Variants in RORB observed in about 807,000 individuals in gnomAD.
RORB encodes the protein nuclear receptor ROR-beta.
RORB carries 6 observed loss-of-function variants against 59.1 expected under a neutral mutation model. The ratio of observed to expected loss-of-function variants is 0.10; its 90% confidence interval spans 0.06 to 0.20. The LOEUF (loss-of-function observed/expected upper bound fraction) is 0.20, where lower values mean the gene tolerates loss of function less well. Among genes scored for constraint, RORB ranks in the 10% least tolerant of loss-of-function variants. The pLI is 1.00. For missense variants in RORB, 320 were observed against 560.5 expected (o/e 0.57, Z 4.33); for synonymous variants, 215 against 204.5 (o/e 1.05, Z -0.44).
chr9:74,626,991 G>A (rs944455504), intron 1 of RORB, among the ~76,000 whole-genome samples: 11 of 151,908 alleles, frequency 7.2e-5, no homozygotes, highest in Admixed American at 5.9e-4. Context: ...GTGAAACCCC[G>A]TCTCTACTAA....
chr9:74,602,119 T>A (rs1181383943), intron 1 of RORB, among the ~76,000 whole-genome samples: 14 of 152,174 alleles, frequency 9.2e-5, no homozygotes, highest in Admixed American at 9.2e-4. Flanking sequence ...GCCCTCATTG[T>A]GCTTAGAGGA....
chr9:74,524,321 T>G (rs1826125873), intron 1 of RORB, among the ~76,000 whole-genome samples: 1 of 151,804 alleles, frequency 6.6e-6, no homozygotes, highest in Admixed American at 6.6e-5. Context: ...AGTGATTCAT[T>G]TTTTACTAGA....
At chr9:74,677,280 T>C (rs1005091759) in intron 9 of RORB, among the ~76,000 whole-genome samples, 1 of 152,224 alleles carries the variant, frequency 6.6e-6, no homozygotes, top group African/African-American at 2.4e-5. Flanking sequence ...TCCTGACTTC[T>C]GACCTACTAT....
intron 1 of RORB, among the ~76,000 whole-genome samples, chr9:74,519,507 A>G (rs1826053972): frequency 6.6e-6 from 1 of 152,062 alleles, no homozygotes; most frequent in African/African-American, 2.4e-5. Flanking sequence ...ACGGCACAAG[A>G]GCAAGAGAAC....
chr9:74,532,613 T>C (rs922304276), intron 1 of RORB, among the ~76,000 whole-genome samples: 1 of 151,614 alleles, frequency 6.6e-6, no homozygotes, highest in Admixed American at 6.6e-5. Context: ...GCATATTCCA[T>C]GAGCTAAAAA....
At chr9:74,648,940 G>A (rs1823946321) in intron 4 of RORB, among the ~76,000 whole-genome samples, 2 of 151,222 alleles carry the variant, frequency 1.3e-5, no homozygotes, top group African/African-American at 4.9e-5. Context: ...TGAAGAAAAA[G>A]CAAATATGTT....
Position 74,689,753 on chromosome 9 carries a change from A to T in RORB, c.*4135A>T, listed in dbSNP as rs954012073. The T allele has an allele frequency of 6.6e-6, 1 of 152,222 alleles. No individual in the cohort carries two copies. Among genetic ancestry groups the T allele is most frequent in the Non-Finnish European group, 1.5e-5 (1 of 68,042 alleles). The allele number at this position is 152,222 out of a possible 1,614,324, so 9.4% of individuals were successfully genotyped here. On this transcript the variant is annotated 3_prime_UTR_variant, in exon 10 of 10. Transcript: ENST00000376896. Reference sequence around the variant, plus strand: ...AGATCAACTCATGCTCACTCTCTACAATGCAATGTGTACGAGGCTTGAAGG... The same window carrying T: ...AGATCAACTCATGCTCACTCTCTACTATGCAATGTGTACGAGGCTTGAAGG...
At chr9:74,542,768 C>G (rs1826428886) in intron 1 of RORB, among the ~76,000 whole-genome samples, 1 of 152,068 alleles carries the variant, frequency 6.6e-6, no homozygotes, top group African/African-American at 2.4e-5. Context: ...CAAGGATCTC[C>G]CAAGAACACA....
At chr9:74,608,932 GC>G (rs1426439232) in intron 1 of RORB, among the ~76,000 whole-genome samples, 1 of 152,104 alleles carries the variant, frequency 6.6e-6, no homozygotes, top group Non-Finnish European at 1.5e-5. Flanking sequence ...ACCTCATTTT[GC>G]CAATACAGAT....
At position 74,688,070 on chromosome 9, in the gene RORB, C is replaced by G. The variant is rs1166557048; in HGVS notation, c.*2452C>G. 3.9e-5 allele frequency: 6 copies of G among 152,268 alleles called. No individual in the cohort carries two copies. The East Asian group carries it at 1.2e-3, about 29-fold the overall frequency. The allele number at this position is 152,268 out of a possible 1,614,324, so 9.4% of individuals were successfully genotyped here. ...GCTCAGAATTTTTTCCTCCCTTTTC[C>G]CATGGGTGATATAGGAAAAAGATTG... On this transcript the variant is annotated 3_prime_UTR_variant, in exon 10 of 10. Coordinates refer to ENST00000376896, the MANE Select transcript of RORB (RefSeq NM_006914.4).
In RORB at chr9:74,671,957, A is replaced by T. The variant is rs929961744; in HGVS notation, c.1224+56A>T. 2.6e-5 allele frequency: 25 copies of T among 969,490 alleles called. No individual in the cohort carries two copies. The East Asian group carries it at 3.0e-4, about 12-fold the overall frequency. 60.1% of individuals were successfully genotyped at this position (969,490 alleles called of 1,614,324 possible). On this transcript the variant is annotated intron_variant, in intron 9 of 9. Coordinates refer to ENST00000376896, the MANE Select transcript of RORB (RefSeq NM_006914.4). ...CCAAAAGAGAGCACAGTGAGCAAAA[A>T]GGACTGCTTATAAATCAAGGGAAAT...
At chr9:74,582,892 T>G (rs141947324) in intron 1 of RORB, among the ~76,000 whole-genome samples, 1,606 of 152,306 alleles carry the variant, frequency 0.011, 16 homozygotes, top group Non-Finnish European at 0.018. Context: ...ATTCACTTTT[T>G]GGTAGGTGTC....
intron 7 of RORB, among the ~76,000 whole-genome samples, chr9:74,666,755 G>T (rs938940078): frequency 2.0e-5 from 3 of 152,176 alleles, no homozygotes; most frequent in African/African-American, 7.2e-5. Flanking sequence ...TGTCCACAGT[G>T]ATCCCAGACC....
At chr9:74,676,040 G>A (rs532474353) in intron 9 of RORB, among the ~76,000 whole-genome samples, 12 of 152,320 alleles carry the variant, frequency 7.9e-5, no homozygotes, top group East Asian at 5.8e-4. Flanking sequence ...AAGGAAGGCC[G>A]GTCCAGCTGG....
At chr9:74,560,045 C>CT (rs1265442507) in intron 1 of RORB, among the ~76,000 whole-genome samples, 2 of 152,110 alleles carry the variant, frequency 1.3e-5, no homozygotes, top group African/African-American at 4.8e-5. Flanking sequence ...TCTCAAAAAA[C>CT]TAAAGCAAAG....
At chr9:74,558,596 A>G (rs1278987659) in intron 1 of RORB, among the ~76,000 whole-genome samples, 1 of 152,200 alleles carries the variant, frequency 6.6e-6, no homozygotes, top group Non-Finnish European at 1.5e-5. Flanking sequence ...ACAGTACCTG[A>G]CTTTCAGAAT....
chr9:74,542,629 A>C (rs895547378), intron 1 of RORB, among the ~76,000 whole-genome samples: 1 of 152,222 alleles, frequency 6.6e-6, no homozygotes, highest in Non-Finnish European at 1.5e-5. Context: ...CACAACTGAT[A>C]AAAGATGTTA....
chr9:74,564,524 T>C (rs1822441952), intron 1 of RORB, among the ~76,000 whole-genome samples: 1 of 152,228 alleles, frequency 6.6e-6, no homozygotes, highest in African/African-American at 2.4e-5. Context: ...TTTGGGTAGA[T>C]TGCTGAAAAG....
chr9:74,536,400 G>A (rs972692371), intron 1 of RORB, among the ~76,000 whole-genome samples: 3 of 151,944 alleles, frequency 2.0e-5, no homozygotes, highest in Admixed American at 6.6e-5. Context: ...TATTTCTGCA[G>A]GATAATAGAC....
Sources: gnomAD v4.1 joint callset for allele counts (sites outside exome capture counted in the v4.1 genomes callset) on GRCh38, gnomAD v4.1.1 for gene constraint, MANE v1.5 for transcripts, NCBI Gene and HGNC (gene_info 2026-07-23, HGNC 2026-07-21) for gene names.